SMAD4: variants seen among roughly 807,000 people sequenced by gnomAD.
SMAD4 encodes MAD homolog 4.
A neutral mutation model predicts 63.2 loss-of-function variants in SMAD4; 7 were observed. That is an observed-to-expected ratio of 0.11 (90% confidence interval 0.06 to 0.21). The LOEUF (loss-of-function observed/expected upper bound fraction) is 0.21. SMAD4 is among the 10% of genes least tolerant of loss of function. SMAD4 has a pLI of 1.00. For synonymous variants in SMAD4, 215 were observed against 235.4 expected (o/e 0.91, Z 0.79); for missense variants, 312 against 693.8 (o/e 0.45, Z 6.18).
At chr18:51,056,726 G>A (rs1909857031) in intron 5 of SMAD4, among the ~76,000 whole-genome samples, 2 of 151,790 alleles carry the variant, frequency 1.3e-5, no homozygotes, top group South Asian at 2.1e-4. Context: ...TATTTTACGT[G>A]AGCTGATTTA....
intron 1 of SMAD4, among the ~76,000 whole-genome samples, chr18:51,032,045 A>G (rs35014537): frequency 0.33 from 49,996 of 152,104 alleles, 8,910 homozygotes; most frequent in East Asian, 0.48. Flanking sequence ...GTTTACTTAA[A>G]TGGGTTTGTT....
Position 51,084,268 on chromosome 18 carries a change from T to C in SMAD4, c.*5801T>C, listed in dbSNP as rs577928234. The C allele has an allele frequency of 2.6e-4, 60 of 229,102 alleles. No individual in the cohort carries two copies. The highest frequency in any genetic ancestry group is 1.4e-3 in the East Asian group (23 of 16,144). The allele number at this position is 229,102 out of a possible 1,614,324, so 14.2% of individuals were successfully genotyped here. Reference sequence around the variant, plus strand: ...AACCTGTTGTTAATGCTTAGTGATATTATGCTCAAAACAAGGAAATTCCCT... The same window carrying C: ...AACCTGTTGTTAATGCTTAGTGATACTATGCTCAAAACAAGGAAATTCCCT... On this transcript the variant is annotated 3_prime_UTR_variant, in exon 12 of 12. Coordinates refer to ENST00000342988, the MANE Select transcript of SMAD4 (RefSeq NM_005359.6).
chr18:51,035,276 C>T (rs1414178476), intron 1 of SMAD4, among the ~76,000 whole-genome samples: 1 of 152,140 alleles, frequency 6.6e-6, no homozygotes, highest in Non-Finnish European at 1.5e-5. Flanking sequence ...GTTAGTATAT[C>T]ATCACTATTT....
chr18:51,032,619 A>G (rs1230166132), intron 1 of SMAD4, among the ~76,000 whole-genome samples: 2 of 152,168 alleles, frequency 1.3e-5, no homozygotes, highest in Non-Finnish European at 2.9e-5. Flanking sequence ...CCGCAAATTA[A>G]GGAGCGAGAA....
intron 5 of SMAD4, 41 bp downstream of exon 5, chr18:51,055,034 C>T (rs888700614): frequency 1.4e-6 from 2 of 1,437,366 alleles, no homozygotes; most frequent in Non-Finnish European, 2.0e-6. Flanking sequence ...GTTGAGTTTT[C>T]CTAATCATTG....
rs184204011 is a variant in SMAD4, at chr18:51,035,557, T to C, written c.-128+4934T>C. Among the ~76,000 whole-genome samples the C allele has an allele frequency of 2.3e-3, 346 of 152,276 alleles. 1 individual carries two copies. The highest frequency in any genetic ancestry group is 0.01 in the Middle Eastern group (3 of 294). ...TAAATATAACTCCCAATGCAAATTG[T>C]CTTCTTAGGGCGTTAATCTACTTGG... On this transcript the variant is annotated intron_variant, in intron 1 of 11. Transcript: ENST00000342988.
At chr18:51,041,964 C>T (rs891681994) in intron 1 of SMAD4, among the ~76,000 whole-genome samples, 1 of 152,182 alleles carries the variant, frequency 6.6e-6, no homozygotes, top group Non-Finnish European at 1.5e-5. Context: ...TCCCAAATCA[C>T]TTTATACCTA....
chr18:51,033,040 G>A (rs1351594981), intron 1 of SMAD4, among the ~76,000 whole-genome samples: 1 of 151,900 alleles, frequency 6.6e-6, no homozygotes, highest in African/African-American at 2.4e-5. Context: ...AAGACTGTGT[G>A]GTTACGCCCC....
rs2144491447 is a variant in SMAD4 at position 51,084,739 on chromosome 18, C to G, written c.*6272C>G. The G allele has an allele frequency of 4.3e-6, 1 of 232,050 alleles. No homozygotes were observed. The allele number at this position is 232,050 out of a possible 1,614,324, so 14.4% of individuals were successfully genotyped here. A position where few individuals can be genotyped will look rare whatever the true frequency, so the allele number is the denominator to read the frequency against. Reference sequence around the variant, plus strand: ...TGTGAATGCTTATAGATGATGAAAACCTGGTGGGCTGCAGAGCCCAGTTTA... The same window carrying G: ...TGTGAATGCTTATAGATGATGAAAAGCTGGTGGGCTGCAGAGCCCAGTTTA... On this transcript the variant is annotated 3_prime_UTR_variant, in exon 12 of 12. Transcript: ENST00000342988.
chr18:51,037,381 T>A (rs904879375), intron 1 of SMAD4, among the ~76,000 whole-genome samples: 2 of 152,182 alleles, frequency 1.3e-5, no homozygotes, highest in African/African-American at 2.4e-5. Context: ...ATTTGCCCTT[T>A]CACTGTGAGG....
chr18:51,032,539 A>T (rs183971579), intron 1 of SMAD4, among the ~76,000 whole-genome samples: 385 of 152,308 alleles, frequency 2.5e-3, no homozygotes, highest in Non-Finnish European at 4.2e-3. Context: ...TCACTTTCTT[A>T]AGCTACATTT....
intron 1 of SMAD4, among the ~76,000 whole-genome samples, chr18:51,036,169 G>C (rs962345038): frequency 1.8e-4 from 28 of 151,882 alleles, no homozygotes; most frequent in African/African-American, 6.3e-4. Flanking sequence ...GTAGAAATGG[G>C]GGGGCGGGGG....
At chr18:51,068,557 T>C (rs1413015135) in intron 10 of SMAD4, among the ~76,000 whole-genome samples, 2 of 152,156 alleles carry the variant, frequency 1.3e-5, no homozygotes, top group Admixed American at 1.3e-4. Flanking sequence ...GTTAGAACAA[T>C]AGAATAAAGC....
chr18:51,056,641 A>AAAAG (rs1437319146), intron 5 of SMAD4, among the ~76,000 whole-genome samples: 1 of 151,214 alleles, frequency 6.6e-6, no homozygotes, highest in African/African-American at 2.4e-5. Flanking sequence ...AAAAAAAAAA[A>AAAAG]AAAGAGGGTT....
At chr18:51,061,534 AT>A (rs554354116) in intron 8 of SMAD4, among the ~76,000 whole-genome samples, 11 of 152,104 alleles carry the variant, frequency 7.2e-5, no homozygotes, top group Middle Eastern at 3.4e-3. Flanking sequence ...ACTGAATCGC[AT>A]TTTTTTTATG....
chr18:51,081,280 G>A lies in SMAD4; in HGVS notation c.*2813G>A. 1 of 227,472 alleles carries A rather than the reference G, an allele frequency of 4.4e-6. No homozygotes were observed. Among genetic ancestry groups the A allele is most frequent in the South Asian group, 1.8e-4 (1 of 5,460 alleles). 14.1% of individuals were successfully genotyped at this position (227,472 alleles called of 1,614,324 possible). ...GAATTTCAGTGCAAGCTGAATGAGA[G>A]ATGAGCCATGTACACCCACCGTAAG... On this transcript the variant is annotated 3_prime_UTR_variant, in exon 12 of 12. Coordinates refer to ENST00000342988, the MANE Select transcript of SMAD4 (RefSeq NM_005359.6).
rs1555685004 is a variant in SMAD4 at position 51,047,109 on chromosome 18, T to C, written c.63T>C (p.His21=). The part of the protein sequence containing the change: ...TSNDACLSIV[H]SLMCHRQGGE... ...ATGATGCCTGTCTGAGCATTGTGCA[T>C]AGTTTGATGTGCCATAGACAAGGTG... Residue 21 remains histidine, a synonymous_variant, in exon 2 of 12, where the codon CAT becomes CAC. Transcript: ENST00000342988. The C allele has an allele frequency of 6.2e-7, 1 of 1,613,842 alleles. No individual in the cohort carries two copies. Among genetic ancestry groups the C allele is most frequent in the Non-Finnish European group, 8.5e-7 (1 of 1,179,766 alleles).
chr18:51,049,565 AAT>A, intron 4 of SMAD4: 1 of 484,090 alleles, frequency 2.1e-6, no homozygotes, highest in Non-Finnish European at 3.7e-6. Context: ...ACTGTAAAAA[AAT>A]ATGATAGAGG....
chr18:51,058,773 C>T (rs1258455302), intron 7 of SMAD4, among the ~76,000 whole-genome samples: 1 of 152,124 alleles, frequency 6.6e-6, no homozygotes, highest in Admixed American at 6.5e-5. Context: ...TATATCCACG[C>T]ATAATGGATT....
Sources: gnomAD v4.1 joint callset for allele counts (sites outside exome capture counted in the v4.1 genomes callset) on GRCh38, gnomAD v4.1.1 for gene constraint, MANE v1.5 for transcripts, NCBI Gene and HGNC (gene_info 2026-07-23, HGNC 2026-07-21) for gene names.